Variants in HERC2 observed in about 807,000 individuals in gnomAD.
HERC2 encodes HECT and RLD domain containing E3 ubiquitin protein ligase 2, also known as E3 ubiquitin-protein ligase HERC2.
HERC2 carries 102 observed loss-of-function variants against 537.7 expected under a neutral mutation model. The observed-to-expected ratio is 0.19, with a 90% confidence interval of 0.16 to 0.22. The LOEUF is 0.22. Ranked by LOEUF, HERC2 falls within the 10% of genes least tolerant of loss-of-function variation. HERC2 has a pLI of 1.00. For missense variants in HERC2, 4,236 were observed against 6,198.2 expected (o/e 0.68, Z 10.63); for synonymous variants, 2,224 against 2,466.2 (o/e 0.90, Z 2.91).
chr15:28,116,505 C>T (rs563822823), intron 88 of HERC2, among the ~76,000 whole-genome samples, 160 bp downstream of exon 88: 1 of 152,174 alleles, frequency 6.6e-6, no homozygotes, highest in African/African-American at 2.4e-5. Context: ...GCGTGAGCCA[C>T]CGCGCCTCAC....
At position 28,125,130 on chromosome 15, in the gene HERC2, A is replaced by G; in HGVS notation, c.12866T>C (p.Ile4289Thr). 6.2e-7 allele frequency: 1 copy of G among 1,614,116 alleles called. No homozygotes were observed. Among genetic ancestry groups the G allele is most frequent in the South Asian group, 1.1e-5 (1 of 91,084 alleles). ...GGCAGCTACCAACCGAGGCCTCTGGATGGCATTGGTGGTTCCGTCTCCCAG... is the reference window on the plus strand; with the variant it reads ...GGCAGCTACCAACCGAGGCCTCTGGGTGGCATTGGTGGTTCCGTCTCCCAG... Reference protein sequence around the residue: ...GQLGDGTTNAIQRPRLVAALQ... With the variant: ...GQLGDGTTNATQRPRLVAALQ... Residue 4289 changes from isoleucine (I) to threonine (T), a missense_variant, in exon 84 of 93, where the codon ATC (isoleucine) becomes ACC (threonine). Transcript: ENST00000261609.
intron 76 of HERC2, 21 bp downstream of exon 76, chr15:28,142,217 T>C (rs769505489): frequency 2.5e-6 from 4 of 1,605,918 alleles, no homozygotes; most frequent in East Asian, 2.2e-5. Context: ...CCAAAAGTGA[T>C]TCCAAAATAT....
chr15:28,218,248 G>C (rs190019465), intron 38 of HERC2, among the ~76,000 whole-genome samples: 2 of 152,086 alleles, frequency 1.3e-5, no homozygotes, highest in Admixed American at 6.5e-5. Context: ...CCAGAAGCTG[G>C]GGCAGAGCCC....
chr15:28,248,621 G>A lies in HERC2; in HGVS notation c.3166C>T (p.Arg1056Cys), dbSNP rs754464130. 4 of 1,613,786 alleles carry A rather than the reference G, an allele frequency of 2.5e-6. No homozygotes were observed. The highest frequency in any genetic ancestry group is 3.3e-4 in the Middle Eastern group (2 of 6,062). ...ERSASLDLLL[R>C]FQRLLISKLY... ...TTACTAATAAGCAAACGTTGAAAAC[G>A]CAGTAACAAATCCAATGAAGCAGAT... Residue 1056 changes from arginine (R) to cysteine (C), a missense_variant, in exon 21 of 93, where the codon CGT becomes TGT. Arg to Cys is a radical substitution (Grantham distance 180). Coordinates refer to ENST00000261609, the MANE Select transcript of HERC2 (RefSeq NM_004667.6).
intron 88 of HERC2, 107 bp downstream of exon 88, chr15:28,116,558 G>T: frequency 8.6e-7 from 1 of 1,161,308 alleles, no homozygotes; most frequent in South Asian, 1.5e-5. Context: ...AAAACTAAAA[G>T]CAGATATTCA....
chr15:28,134,925 A>G (rs1177063313), intron 79 of HERC2, among the ~76,000 whole-genome samples: 2 of 151,988 alleles, frequency 1.3e-5, no homozygotes, highest in Non-Finnish European at 2.9e-5. Flanking sequence ...TGCCCACCTC[A>G]GCTTCCCAAA....
Position 28,269,282 on chromosome 15 carries a change from C to G in HERC2, c.1412G>C (p.Arg471Pro). 6.2e-7 allele frequency: 1 copy of G among 1,614,022 alleles called. No homozygotes were observed. The highest frequency in any genetic ancestry group is 8.5e-7 in the Non-Finnish European group (1 of 1,179,940). The stretch of plus-strand genomic sequence containing the variant: ...ACTATTATAGGCCTGTGTGTACACG[C>G]GGCCATTGCGTGACAGAATCAGGAA... ...KRFLILSRNGRVYTQAYNSDT... is the reference protein window; with the variant it reads ...KRFLILSRNGPVYTQAYNSDT... The change falls in exon 11 of 93, where the codon CGC (arginine) becomes CCC (proline). Residue 471 changes from arginine (R) to proline (P), a missense_variant. By Grantham distance (103) the Arg-to-Pro change is moderately radical. This residue lies in a region of HERC2 where 491 missense variants were observed against 559.3 expected (regional missense o/e 0.88). Coordinates refer to ENST00000261609, the MANE Select transcript of HERC2 (RefSeq NM_004667.6).
At chr15:28,166,729 G>T (rs190537487) in intron 68 of HERC2, among the ~76,000 whole-genome samples, 2 of 152,100 alleles carry the variant, frequency 1.3e-5, no homozygotes, top group African/African-American at 4.8e-5. Flanking sequence ...CCCAATGACC[G>T]GGTCCCAGTG....
At chr15:28,239,997 G>A (rs1217741870) in intron 23 of HERC2, among the ~76,000 whole-genome samples, 4 of 152,112 alleles carry the variant, frequency 2.6e-5, no homozygotes, top group Non-Finnish European at 5.9e-5. Flanking sequence ...AACATGGATT[G>A]CATGTTAGAT....
At chr15:28,311,275 A>G (rs2076937492) in intron 2 of HERC2, among the ~76,000 whole-genome samples, 2 of 151,924 alleles carry the variant, frequency 1.3e-5, no homozygotes, top group South Asian at 4.1e-4. Flanking sequence ...GACCAGCCAA[A>G]GCAACACGGT....
At chr15:28,150,708 C>T (rs1159327980) in intron 70 of HERC2, among the ~76,000 whole-genome samples, 2 of 147,948 alleles carry the variant, frequency 1.4e-5, no homozygotes, top group Non-Finnish European at 3.0e-5. Context: ...ACAGAAAAAA[C>T]ACACGCGGCT....
In HERC2 at chr15:28,207,501, A is replaced by C. The variant is rs552446016; in HGVS notation, c.7070-1119T>G. 1.2e-4 allele frequency among the ~76,000 whole-genome samples: 18 copies of C among 152,296 alleles called. 1 individual carries two copies. Among genetic ancestry groups the C allele is most frequent in the Admixed American group, 6.5e-5 (1 of 15,298 alleles). On this transcript the variant is annotated intron_variant, in intron 44 of 92. Coordinates refer to ENST00000261609, the MANE Select transcript of HERC2 (RefSeq NM_004667.6). ...CCTGACACAGACACATCCCACGTGC[A>C]TATTTCTAGCTGTAGCTTTTCCAGC...
At chr15:28,231,531 G>A (rs796974983) in intron 30 of HERC2, among the ~76,000 whole-genome samples, 4 of 152,256 alleles carry the variant, frequency 2.6e-5, no homozygotes, top group African/African-American at 7.2e-5. Flanking sequence ...GCTCAGGTGC[G>A]CTGGCCTGGT....
rs1162445878 is a variant in HERC2 at position 28,177,025 on chromosome 15, T to C, written c.9357A>G (p.Glu3119=). 2.5e-6 allele frequency: 4 copies of C among 1,614,162 alleles called. No homozygotes were observed. Among genetic ancestry groups the C allele is most frequent in the South Asian group, 1.1e-5 (1 of 91,082 alleles). The change falls in exon 61 of 93, where the codon GAA becomes GAG. Residue 3119 remains glutamate, a synonymous_variant. Transcript: ENST00000261609. The surrounding 1 kb of genome is among the most constrained non-coding windows in gnomAD (Gnocchi z 5.0). The part of the protein sequence containing the change: ...SHSAALTSSG[E]LYTWGLGEYG... Reference sequence around the variant, plus strand: ...ACTCGCCGAGGCCCCAGGTGTACAGTTCTCCGCTGGATGTGAGGGCTGCGC... The same window carrying C: ...ACTCGCCGAGGCCCCAGGTGTACAGCTCTCCGCTGGATGTGAGGGCTGCGC...
chr15:28,154,076 G>A (rs1296594590), intron 69 of HERC2, among the ~76,000 whole-genome samples: 2 of 152,060 alleles, frequency 1.3e-5, no homozygotes, highest in Non-Finnish European at 1.5e-5. Flanking sequence ...CATCTTTTAC[G>A]ATTAAGGTTA....
chr15:28,132,470 C>T (rs1410552803), intron 80 of HERC2, among the ~76,000 whole-genome samples, 183 bp downstream of exon 80: 1 of 152,208 alleles, frequency 6.6e-6, no homozygotes, highest in Admixed American at 6.5e-5. Flanking sequence ...GAGGTATCAG[C>T]GTCTTTGATG....
At chr15:28,135,414 G>T in intron 79 of HERC2, 64 bp downstream of exon 79, 2 of 1,261,840 alleles carry the variant, frequency 1.6e-6, no homozygotes, top group Non-Finnish European at 2.3e-6. Context: ...ATAGATTGTA[G>T]CAGCATTAAA....
chr15:28,119,475 A>AC (rs1888650220), intron 86 of HERC2, among the ~76,000 whole-genome samples: 2 of 144,874 alleles, frequency 1.4e-5, no homozygotes, highest in African/African-American at 5.1e-5. Flanking sequence ...TTGCTTTGAG[A>AC]CAGTGTCTGG....
chr15:28,187,545 CT>C (rs1320557517), intron 55 of HERC2, among the ~76,000 whole-genome samples: 4 of 152,118 alleles, frequency 2.6e-5, no homozygotes, highest in African/African-American at 9.7e-5. Context: ...GTTGGCTAGG[CT>C]GGTCTTGAAC....
Sources: gnomAD v4.1 joint callset for allele counts (sites outside exome capture counted in the v4.1 genomes callset) on GRCh38, gnomAD v4.1.1 for gene constraint, gnomAD v4.1.1 regional missense constraint, Gnocchi (gnomAD v3.1) non-coding constraint, MANE v1.5 for transcripts, NCBI Gene and HGNC (gene_info 2026-07-23, HGNC 2026-07-21) for gene names.